Variants in ABCB10 observed in about 807,000 individuals in gnomAD.
The protein encoded by ABCB10 is ATP binding cassette subfamily B member 10.
ABCB10 carries 54 observed loss-of-function variants against 65.4 expected under a neutral mutation model. The observed-to-expected ratio is 0.83, with a 90% CI of 0.66 to 1.04. The LOEUF (loss-of-function observed/expected upper bound fraction) is 1.04. ABCB10 is among the 50% of genes least tolerant of loss of function. ABCB10 has a pLI of 0.00. For synonymous variants in ABCB10, 418 were observed against 406.5 expected (o/e 1.03, Z -0.34); for missense variants, 846 against 976.6 (o/e 0.87, Z 1.78).
At chr1:229,519,854 G>A (rs956466358) in intron 11 of ABCB10, among the ~76,000 whole-genome samples, 2 of 151,930 alleles carry the variant, frequency 1.3e-5, no homozygotes, top group Non-Finnish European at 2.9e-5. Context: ...GGCTGAGTAC[G>A]GTGGCTCACA....
chr1:229,518,758 G>C, intron 12 of ABCB10, 83 bp downstream of exon 12: 2 of 1,153,562 alleles, frequency 1.7e-6, no homozygotes, highest in Non-Finnish European at 2.5e-6. Flanking sequence ...GTATCACTTT[G>C]AGGTACAGAA....
At chr1:229,558,105 G>C in intron 1 of ABCB10, 31 bp downstream of exon 1, 2 of 1,331,048 alleles carry the variant, frequency 1.5e-6, no homozygotes, top group East Asian at 3.2e-5. Flanking sequence ...GGAGAGGCCC[G>C]GCGGAGGGAA....
rs371231734 is a variant in ABCB10 at position 229,543,987 on chromosome 1, G to C, written c.922-1616C>G. Reference sequence around the variant, plus strand: ...AACTGGACAGGTGTCCTCTGTGTAGGGCAGGCACAGTCCATCAAGATTCTC... The same window carrying C: ...AACTGGACAGGTGTCCTCTGTGTAGCGCAGGCACAGTCCATCAAGATTCTC... On this transcript the variant is annotated intron_variant, in intron 3 of 12. Transcript: ENST00000344517. Among the ~76,000 whole-genome samples, 19 of 152,246 alleles carry C rather than the reference G, an allele frequency of 1.2e-4. No homozygotes were observed. The South Asian group carries it at 3.7e-3, about 30-fold the overall frequency.
chr1:229,558,379 GC>G lies in ABCB10; in HGVS notation c.273del (p.Leu92CysfsTer120), dbSNP rs1199261193. On this transcript the variant is annotated frameshift_variant, in exon 1 of 13. Coordinates refer to ENST00000344517, the MANE Select transcript of ABCB10 (RefSeq NM_012089.3). LOFTEE classifies it high-confidence loss of function. ...CAGCTGCCGGGGCCGCGAGCCCACA[GC>G]CCCAGGAGCCGCGCGAGGCCCAGGA... is the stretch of plus-strand genomic sequence containing the variant. ...RGVLGLARLL[G>X]LWARGPGSCR... 1.0e-5 allele frequency: 13 copies of G among 1,241,342 alleles called. No homozygotes were observed. The highest frequency in any genetic ancestry group is 2.1e-5 in the South Asian group (1 of 47,036). The allele number at this position is 1,241,342 out of a possible 1,614,324, so 76.9% of individuals were successfully genotyped here.
At chr1:229,531,759 C>T (rs750999082) in intron 6 of ABCB10, 28 bp from the exon 7 acceptor site, 3 of 1,594,306 alleles carry the variant, frequency 1.9e-6, no homozygotes, top group Non-Finnish European at 2.6e-6. Context: ...AATCCACACA[C>T]ATGTCCATCA....
At chr1:229,531,832 A>C (rs1414593111) in intron 6 of ABCB10, 101 bp from the exon 7 acceptor site, 1 of 879,480 alleles carries the variant, frequency 1.1e-6, no homozygotes, top group East Asian at 3.0e-5. Flanking sequence ...TTAATATAAA[A>C]TCTGTTATTA....
chr1:229,531,947 G>GTTT lies in ABCB10; in HGVS notation c.1340-219_1340-217dup, dbSNP rs34289048. The GTTT allele has an allele frequency of 9.4e-3, 1,241 of 132,538 alleles. 8 individuals are homozygous for GTTT. The highest frequency in any genetic ancestry group is 0.019 in the Middle Eastern group (4 of 206). The allele number at this position is 132,538 out of a possible 1,614,324, so 8.2% of individuals were successfully genotyped here. A position where few individuals can be genotyped will look rare whatever the true frequency, so the allele number is the denominator to read the frequency against. The stretch of plus-strand genomic sequence containing the variant: ...TGGCTTCTCCTCCTCCAGTTTCATA[G>GTTT]TTTTTTTTTTTTTTTTTTTTTTTGA... On this transcript the variant is annotated intron_variant, in intron 6 of 12. Coordinates refer to ENST00000344517, the MANE Select transcript of ABCB10 (RefSeq NM_012089.3).
chr1:229,522,591 T>A (rs1354268522), intron 10 of ABCB10, among the ~76,000 whole-genome samples: 2 of 152,228 alleles, frequency 1.3e-5, no homozygotes, highest in African/African-American at 4.8e-5. Context: ...CAAAGTAGCA[T>A]GTCCAGGATC....
intron 1 of ABCB10, 134 bp from the exon 2 acceptor site, chr1:229,549,568 C>A: frequency 1.2e-6 from 1 of 845,390 alleles, no homozygotes; most frequent in Non-Finnish European, 1.8e-6. Flanking sequence ...AGTTTCCTCC[C>A]TTTTGCTCCT....
chr1:229,545,071 C>T (rs1282017667), intron 3 of ABCB10, among the ~76,000 whole-genome samples: 4 of 152,186 alleles, frequency 2.6e-5, no homozygotes, highest in African/African-American at 9.7e-5. Flanking sequence ...TTGTTTCAGC[C>T]ACCCAGTCTG....
chr1:229,525,660 G>T (rs1662423416), intron 10 of ABCB10, among the ~76,000 whole-genome samples: 3 of 152,144 alleles, frequency 2.0e-5, no homozygotes, highest in African/African-American at 7.2e-5. Context: ...CTAACACGGT[G>T]AAACCCTGTC....
At chr1:229,537,695 CAGG>C (rs1327979560) in intron 6 of ABCB10, among the ~76,000 whole-genome samples, 1 of 152,170 alleles carries the variant, frequency 6.6e-6, no homozygotes, top group African/African-American at 2.4e-5. Context: ...AAGGCTGAGG[CAGG>C]AGAACTGCTT....
chr1:229,553,590 G>GACAC (rs1181361136), intron 1 of ABCB10, among the ~76,000 whole-genome samples: 25 of 151,938 alleles, frequency 1.6e-4, no homozygotes, highest in Non-Finnish European at 4.4e-5. Flanking sequence ...TGACTGGTTG[G>GACAC]ATGTGAGCAT....
intron 6 of ABCB10, among the ~76,000 whole-genome samples, chr1:229,534,871 C>CA (rs145726594): frequency 0.013 from 471 of 37,292 alleles, 19 homozygotes; most frequent in African/African-American, 0.049. Flanking sequence ...GACTCCATCT[C>CA]AAAAAAAAAA....
chr1:229,558,563 C>T lies in ABCB10; in HGVS notation c.90G>A (p.Trp30Ter), dbSNP rs1261566252. 2 of 1,445,350 alleles carry T rather than the reference C, an allele frequency of 1.4e-6. No individual in the cohort carries two copies. Among genetic ancestry groups the T allele is most frequent in the South Asian group, 2.6e-5 (2 of 76,634 alleles). 89.5% of individuals were successfully genotyped at this position (1,445,350 alleles called of 1,614,324 possible). The change falls in exon 1 of 13, where the codon TGG (tryptophan) becomes TGA (stop). Residue 30 changes from tryptophan (W) to a stop codon, truncating the protein, a stop_gained. Coordinates refer to ENST00000344517, the MANE Select transcript of ABCB10 (RefSeq NM_012089.3). LOFTEE classifies it high-confidence loss of function. ...PGRLLPVACV[W>*]AAASRVPGSL... ...ACCCGGGAACGCGGCTGGCCGCGGC[C>T]CACACGCAGGCTACCGGCAGGAGCC...
intron 3 of ABCB10, among the ~76,000 whole-genome samples, chr1:229,544,212 A>T (rs1377322427): frequency 6.6e-6 from 1 of 152,110 alleles, no homozygotes; most frequent in Non-Finnish European, 1.5e-5. Context: ...CCAGGAGTTC[A>T]AAACCAGTGG....
chr1:229,523,278 C>T (rs1571956446), intron 10 of ABCB10, among the ~76,000 whole-genome samples: 1 of 152,344 alleles, frequency 6.6e-6, no homozygotes, highest in Non-Finnish European at 1.5e-5. Context: ...AGGAACGCTA[C>T]TCCTAAGTCA....
At chr1:229,557,276 C>T (rs1430618866) in intron 1 of ABCB10, among the ~76,000 whole-genome samples, 1 of 152,158 alleles carries the variant, frequency 6.6e-6, no homozygotes, top group African/African-American at 2.4e-5. Context: ...GCAGGTTTAC[C>T]TCTATACATA....
At chr1:229,549,562 T>G (rs1207448915) in intron 1 of ABCB10, 128 bp from the exon 2 acceptor site, 6 of 898,990 alleles carry the variant, frequency 6.7e-6, no homozygotes, top group Non-Finnish European at 1.0e-5. Flanking sequence ...TCTAGCAGTT[T>G]CCTCCCTTTT....
Sources: gnomAD v4.1 joint callset for allele counts (sites outside exome capture counted in the v4.1 genomes callset) on GRCh38, gnomAD v4.1.1 for gene constraint, MANE v1.5 for transcripts, NCBI Gene and HGNC (gene_info 2026-07-23, HGNC 2026-07-21) for gene names.